The following SLCO3A1 variants were observed in gnomAD, a reference collection of about 807,000 sequenced individuals.
The protein encoded by SLCO3A1 is PGE1 transporter.
A neutral mutation model predicts 63.1 loss-of-function variants in SLCO3A1; 27 were observed. That is an observed-to-expected ratio of 0.43 (90% CI 0.32 to 0.59). The LOEUF (loss-of-function observed/expected upper bound fraction) is 0.59. Ranked by LOEUF, SLCO3A1 falls within the 20% of genes least tolerant of loss-of-function variation. The pLI is 0.09. For missense variants in SLCO3A1, 773 were observed against 945.8 expected, an observed-to-expected ratio of 0.82 and a Z score of 2.40; for synonymous variants, 473 against 409.9, an observed-to-expected ratio of 1.15 and a Z score of -1.86.
At position 91,875,228 on chromosome 15, in the gene SLCO3A1, T is replaced by C. The variant is rs1190295501; in HGVS notation, c.180+21140T>C. ...ACACATGTCATCTCATTTAGTCCTT[T>C]AGGGGCGGCAGTGTTGTCCCACATT... On this transcript the variant is annotated intron_variant, in intron 1 of 9. Coordinates refer to ENST00000318445, the MANE Select transcript of SLCO3A1 (RefSeq NM_013272.4). This position sits in a 1 kb window ranked among gnomAD's most constrained non-coding sequence, Gnocchi z 4.5. 6.6e-6 allele frequency among the ~76,000 whole-genome samples: 1 copy of C among 152,208 alleles called. No homozygotes were observed. Among genetic ancestry groups the C allele is most frequent in the African/African-American group, 2.4e-5 (1 of 41,452 alleles).
intron 2 of SLCO3A1, among the ~76,000 whole-genome samples, chr15:91,972,951 T>C (rs550540053): frequency 1.2e-4 from 18 of 152,202 alleles, no homozygotes; most frequent in Non-Finnish European, 2.2e-4. Context: ...TGAAGCCCCG[T>C]CTCTACTAAA....
At chr15:92,046,871 G>A (rs924328438) in intron 2 of SLCO3A1, among the ~76,000 whole-genome samples, 3 of 147,748 alleles carry the variant, frequency 2.0e-5, no homozygotes, top group African/African-American at 7.5e-5. Context: ...AATAGGGCTG[G>A]CAAGGGCCCT....
intron 2 of SLCO3A1, among the ~76,000 whole-genome samples, chr15:92,060,054 GA>G (rs1280340943): frequency 6.6e-6 from 1 of 152,102 alleles, no homozygotes; most frequent in Non-Finnish European, 1.5e-5. Flanking sequence ...TCTAAACATA[GA>G]AAAGGCACAG....
chr15:92,063,633 A>T (rs2047112781), intron 2 of SLCO3A1, among the ~76,000 whole-genome samples: 1 of 152,122 alleles, frequency 6.6e-6, no homozygotes, highest in African/African-American at 2.4e-5. Flanking sequence ...GCTGACGTGG[A>T]TGGATCAGGA....
At chr15:92,030,482 G>A (rs185214893) in intron 2 of SLCO3A1, among the ~76,000 whole-genome samples, 537 of 152,232 alleles carry the variant, frequency 3.5e-3, no homozygotes, top group Non-Finnish European at 5.6e-3. Context: ...TTACTATGCC[G>A]TCTAAGACAG....
chr15:92,118,418 T>C (rs2283461), intron 4 of SLCO3A1, among the ~76,000 whole-genome samples: 121,136 of 152,184 alleles, frequency 0.8, 49,569 homozygotes, highest in Non-Finnish European at 0.9. Context: ...CCTAAGATGC[T>C]GATCTTCTGT....
intron 2 of SLCO3A1, among the ~76,000 whole-genome samples, chr15:92,086,665 T>G (rs958822525): frequency 1.4e-4 from 22 of 152,278 alleles, no homozygotes; most frequent in African/African-American, 5.1e-4. Context: ...ATAGCTAGTG[T>G]TTTTTAAGTT....
intron 1 of SLCO3A1, among the ~76,000 whole-genome samples, chr15:91,873,364 C>T (rs1897322041): frequency 6.6e-6 from 1 of 152,090 alleles, no homozygotes; most frequent in South Asian, 2.1e-4. Flanking sequence ...CTGACAGCAA[C>T]CCTGGGACAT....
chr15:91,959,663 G>T (rs1163842050), intron 2 of SLCO3A1, among the ~76,000 whole-genome samples: 1 of 144,562 alleles, frequency 6.9e-6, no homozygotes, highest in Non-Finnish European at 1.5e-5. Flanking sequence ...GGAGGAGGTT[G>T]CAGTGAGCTG....
intron 2 of SLCO3A1, among the ~76,000 whole-genome samples, chr15:92,003,472 C>T (rs1228924952): frequency 6.6e-6 from 1 of 152,234 alleles, no homozygotes; most frequent in Non-Finnish European, 1.5e-5. Flanking sequence ...CATCTATCAA[C>T]AGATCTTGTC....
At chr15:92,049,600 C>T (rs889171767) in intron 2 of SLCO3A1, among the ~76,000 whole-genome samples, 3 of 152,188 alleles carry the variant, frequency 2.0e-5, no homozygotes, top group African/African-American at 7.2e-5. Flanking sequence ...CTGTTTCTTC[C>T]ATTTAGCAAA....
intron 2 of SLCO3A1, among the ~76,000 whole-genome samples, chr15:91,958,533 A>G (rs970924401): frequency 4.6e-5 from 7 of 152,198 alleles, no homozygotes; most frequent in Non-Finnish European, 8.8e-5. Flanking sequence ...AATGGAGAGC[A>G]TATGCCTCAC....
At chr15:92,043,554 C>G (rs763970430) in intron 2 of SLCO3A1, among the ~76,000 whole-genome samples, 3 of 152,222 alleles carry the variant, frequency 2.0e-5, no homozygotes, top group South Asian at 2.1e-4. Context: ...TGCTTTGATA[C>G]CTTTTTGTTC....
chr15:92,018,674 C>T (rs1040098050), intron 2 of SLCO3A1, among the ~76,000 whole-genome samples: 26 of 152,152 alleles, frequency 1.7e-4, no homozygotes, highest in Admixed American at 1.5e-3. Flanking sequence ...TGGCGTCCGT[C>T]GGGCCACCAG....
In SLCO3A1 at chr15:91,863,666, TA is replaced by T. The variant is rs1897099391; in HGVS notation, c.180+9579del. On this transcript the variant is annotated intron_variant, in intron 1 of 9. Transcript: ENST00000318445. The surrounding 1 kb of genome is among the most constrained non-coding windows in gnomAD (Gnocchi z 4.3). ...CCTCCTGAAATGTAGGAAAGGAGCA[TA>T]TTTTTTTGGCCGGAGTGATGATTGA... 1.3e-5 allele frequency among the ~76,000 whole-genome samples: 2 copies of T among 152,118 alleles called. No homozygotes were observed. The highest frequency in any genetic ancestry group is 4.1e-4 in the South Asian group (2 of 4,830).
At chr15:92,150,832 T>C in intron 8 of SLCO3A1, 118 bp from the exon 9 acceptor site, 3 of 619,782 alleles carry the variant, frequency 4.8e-6, no homozygotes, top group Non-Finnish European at 8.3e-6. Context: ...AAAGACACTA[T>C]TAGTAATTTT....
At position 91,987,764 on chromosome 15, in the gene SLCO3A1, A is replaced by G. The variant is rs1394730364; in HGVS notation, c.646+71306A>G. Among the ~76,000 whole-genome samples, 6 of 151,420 alleles carry G rather than the reference A, an allele frequency of 4.0e-5. No individual in the cohort carries two copies. The East Asian group carries it at 5.8e-4, about 15-fold the overall frequency. On this transcript the variant is annotated intron_variant, in intron 2 of 9. Transcript: ENST00000318445. ...GTCTAAAAAAAAAAAAAAAGATAAT[A>G]ATAATTAATTGTGGTCGCAGCTCAA...
intron 2 of SLCO3A1, among the ~76,000 whole-genome samples, chr15:91,937,918 T>G (rs930322792): frequency 1.8e-4 from 27 of 152,290 alleles, no homozygotes; most frequent in South Asian, 6.2e-4. Flanking sequence ...CTGTAAATTT[T>G]GGAGGCGGTA....
chr15:92,054,101 CTA>C (rs1181606672), intron 2 of SLCO3A1, among the ~76,000 whole-genome samples: 5 of 152,210 alleles, frequency 3.3e-5, no homozygotes, highest in African/African-American at 4.8e-5. Flanking sequence ...TCCAGTACTG[CTA>C]TGTTTTGTTC....
Sources: allele counts gnomAD v4.1 joint callset (sites outside exome capture counted in the v4.1 genomes callset), GRCh38; gene constraint gnomAD v4.1.1; non-coding constraint Gnocchi (gnomAD v3.1); transcripts MANE v1.5; gene names NCBI Gene and HGNC (gene_info 2026-07-23, HGNC 2026-07-21).